SIL1: variants seen among roughly 807,000 people sequenced by gnomAD.
The protein encoded by SIL1 is nucleotide exchange factor SIL1.
Under a neutral mutation model 49.1 loss-of-function variants are expected in SIL1, and 40 were observed. The ratio of observed to expected loss-of-function variants is 0.81; its 90% CI spans 0.63 to 1.06. The LOEUF (loss-of-function observed/expected upper bound fraction) is 1.06. Ranked by LOEUF, SIL1 falls within the 50% of genes least tolerant of loss-of-function variation. The pLI is 0.00. For missense variants in SIL1, 500 were observed against 572.6 expected, an observed-to-expected ratio of 0.87 and a Z score of 1.29; for synonymous variants, 253 against 250.8, an observed-to-expected ratio of 1.01 and a Z score of -0.08.
chr5:139,098,980 C>T (rs1770529369), intron 3 of SIL1, among the ~76,000 whole-genome samples: 1 of 151,860 alleles, frequency 6.6e-6, no homozygotes, highest in East Asian at 1.9e-4. Context: ...CCAGGCCTGG[C>T]TAATTTTTGT....
At position 139,152,335 on chromosome 5, in the gene SIL1, G is replaced by A. The variant is rs981235927; in HGVS notation, c.-10-24482C>T. On this transcript the variant is annotated intron_variant, in intron 1 of 9. Transcript: ENST00000394817. ...TAAATGTTTATTTAGAATGTAGAGG[G>A]ATTGGCCAGGCACAGTGGCTCACAC... Among the ~76,000 whole-genome samples, 5 of 152,238 alleles carry A rather than the reference G, an allele frequency of 3.3e-5. No individual in the cohort carries two copies. In the East Asian group the frequency reaches 7.7e-4, roughly 24 times the overall value.
chr5:139,137,891 C>T (rs1423495111), intron 1 of SIL1, among the ~76,000 whole-genome samples: 1 of 152,042 alleles, frequency 6.6e-6, no homozygotes, highest in Non-Finnish European at 1.5e-5. Flanking sequence ...CACACAAACA[C>T]ACACCACACA....
intron 1 of SIL1, among the ~76,000 whole-genome samples, chr5:139,193,911 C>T (rs998595504): frequency 4.6e-5 from 7 of 152,210 alleles, no homozygotes; most frequent in East Asian, 1.9e-4. Flanking sequence ...GTGGTTGTCA[C>T]GGATTCACAG....
chr5:139,144,188 G>C (rs2151802767), intron 1 of SIL1, among the ~76,000 whole-genome samples: 1 of 152,322 alleles, frequency 6.6e-6, no homozygotes, highest in African/African-American at 2.4e-5. Flanking sequence ...GCTGGGCACA[G>C]TGATTCATGC....
At chr5:139,005,601 C>G (rs1472349812) in intron 7 of SIL1, among the ~76,000 whole-genome samples, 3 of 98,376 alleles carry the variant, frequency 3.0e-5, no homozygotes, top group South Asian at 4.7e-4. Flanking sequence ...ATCCCTCCCC[C>G]CTCCCCCCAC....
At chr5:139,031,203 AGTTCCCAAAGAT>A (rs1180246856) in intron 5 of SIL1, among the ~76,000 whole-genome samples, 1 of 152,062 alleles carries the variant, frequency 6.6e-6, no homozygotes, top group Non-Finnish European at 1.5e-5. Context: ...ACCTGGTCCT[AGTTCCCAAAGAT>A]GTTCTATGTT....
intron 3 of SIL1, among the ~76,000 whole-genome samples, chr5:139,076,103 C>G (rs1419143307): frequency 1.3e-5 from 2 of 152,152 alleles, no homozygotes; most frequent in Admixed American, 6.5e-5. Flanking sequence ...ATTTACAGTC[C>G]TATTCTTTTA....
chr5:139,157,921 C>T (rs981283226), intron 1 of SIL1, among the ~76,000 whole-genome samples: 3 of 152,352 alleles, frequency 2.0e-5, no homozygotes, highest in African/African-American at 7.2e-5. Context: ...TCCTCTCCCT[C>T]AACCCCATGT....
At chr5:139,169,815 ACTCCCTCTCCCCTCTCCCCT>A (rs1751700533) in intron 1 of SIL1, among the ~76,000 whole-genome samples, 1 of 118,730 alleles carries the variant, frequency 8.4e-6, no homozygotes. Flanking sequence ...AAAAAGCTCT[ACTCCCTCTCCCCTCTCCCCT>A]CTCCCTCTCC....
At chr5:139,044,387 C>T (rs529058794) in intron 4 of SIL1, among the ~76,000 whole-genome samples, 5 of 152,224 alleles carry the variant, frequency 3.3e-5, no homozygotes, top group African/African-American at 1.2e-4. Context: ...CCCATTATTC[C>T]GTGCATCTCT....
intron 1 of SIL1, among the ~76,000 whole-genome samples, chr5:139,156,838 C>A (rs2151808734): frequency 6.6e-6 from 1 of 152,346 alleles, no homozygotes; most frequent in East Asian, 1.9e-4. Flanking sequence ...CCTCCAAAAC[C>A]ATGAAAGGAT....
intron 7 of SIL1, among the ~76,000 whole-genome samples, chr5:138,958,313 A>G (rs1486305086): frequency 6.6e-6 from 1 of 152,230 alleles, no homozygotes; most frequent in Non-Finnish European, 1.5e-5. Flanking sequence ...ACAATGCCGT[A>G]TCTTTCTCAG....
At chr5:139,022,700 A>G (rs1768556245) in intron 6 of SIL1, 1 of 152,232 alleles carries the variant, frequency 6.6e-6, no homozygotes, top group Non-Finnish European at 1.5e-5. Context: ...TGAAGTAAGC[A>G]TGAAGTCTGC....
chr5:139,026,671 C>G (rs1046348354), intron 6 of SIL1, 130 bp downstream of exon 6: 1 of 868,328 alleles, frequency 1.2e-6, no homozygotes, highest in Non-Finnish European at 1.9e-6. Context: ...GATAACAAGA[C>G]TAGATTAAAA....
chr5:139,010,689 C>A (rs1468162093), intron 7 of SIL1, among the ~76,000 whole-genome samples: 32 of 150,364 alleles, frequency 2.1e-4, no homozygotes, highest in Non-Finnish European at 3.7e-4. Flanking sequence ...ACAGACAGGA[C>A]CCTCAGCTGC....
intron 1 of SIL1, among the ~76,000 whole-genome samples, chr5:139,188,844 T>C (rs1014737618): frequency 3.9e-5 from 6 of 152,160 alleles, no homozygotes; most frequent in Non-Finnish European, 5.9e-5. Context: ...CATCAGACAC[T>C]GCCCCCGAAA....
chr5:139,149,858 A>C (rs1483349944), intron 1 of SIL1, among the ~76,000 whole-genome samples: 1 of 152,246 alleles, frequency 6.6e-6, no homozygotes, highest in Non-Finnish European at 1.5e-5. Flanking sequence ...ATGATGATAT[A>C]CAAGACCTCC....
chr5:139,111,670 C>T (rs997991881), intron 3 of SIL1, among the ~76,000 whole-genome samples: 2 of 152,182 alleles, frequency 1.3e-5, no homozygotes, highest in African/African-American at 4.8e-5. Context: ...TTTGATATGG[C>T]TATCGCTAAC....
At chr5:139,133,712 T>C (rs781346320) in intron 1 of SIL1, among the ~76,000 whole-genome samples, 2 of 152,226 alleles carry the variant, frequency 1.3e-5, no homozygotes, top group Non-Finnish European at 2.9e-5. Flanking sequence ...TAGCCTGCCA[T>C]GGAGCCCTTG....
Sources: allele counts gnomAD v4.1 joint callset (sites outside exome capture counted in the v4.1 genomes callset), GRCh38; gene constraint gnomAD v4.1.1; transcripts MANE v1.5; gene names NCBI Gene and HGNC (gene_info 2026-07-23, HGNC 2026-07-21).